Variants in PPP1R12B observed in about 807,000 individuals in gnomAD.
The protein encoded by PPP1R12B is protein phosphatase 1 regulatory subunit 12B.
A neutral mutation model predicts 126.1 loss-of-function variants in PPP1R12B; 76 were observed. The observed-to-expected ratio is 0.60, with a 90% CI of 0.50 to 0.73. The LOEUF is 0.73. Ranked by LOEUF, PPP1R12B falls within the 30% of genes least tolerant of loss-of-function variation. The pLI is 0.00. For synonymous variants in PPP1R12B, 356 were observed against 434.7 expected (o/e 0.82, Z 2.25); for missense variants, 1,052 against 1,205.1 (o/e 0.87, Z 1.88).
At chr1:202,446,165 A>G (rs1672210851) in intron 12 of PPP1R12B, among the ~76,000 whole-genome samples, 1 of 150,008 alleles carries the variant, frequency 6.7e-6, no homozygotes, top group Non-Finnish European at 1.5e-5. Context: ...TATTATCACC[A>G]TAGCTGAAGA....
Position 202,583,987 on chromosome 1 carries a change from A to C in PPP1R12B, c.*3427A>C, listed in dbSNP as rs534038577. ...GGCCATTCCAGAGATTCTGGGGCTA[A>C]AGTTTGTTTTTCCAGGGCTGCTGAT... On this transcript the variant is annotated 3_prime_UTR_variant, in exon 24 of 24. Coordinates refer to ENST00000608999, the MANE Select transcript of PPP1R12B (RefSeq NM_002481.4). The C allele has an allele frequency of 6.6e-6, 1 of 152,276 alleles. No homozygotes were observed. The highest frequency in any genetic ancestry group is 1.5e-5 in the Non-Finnish European group (1 of 68,022). 9.4% of individuals were successfully genotyped at this position (152,276 alleles called of 1,614,324 possible).
Position 202,419,492 on chromosome 1 carries a change from A to G in PPP1R12B, c.422+2575A>G, listed in dbSNP as rs764229597. ...TTCTTGTCCAGGTAAAAGTAAAACT[A>G]AAGAGGTTTTTAACTTTTTTTTTTC... On this transcript the variant is annotated intron_variant, in intron 2 of 23. Coordinates refer to ENST00000608999, the MANE Select transcript of PPP1R12B (RefSeq NM_002481.4). This position sits in a 1 kb window ranked among gnomAD's most constrained non-coding sequence, Gnocchi z 4.6. Among the ~76,000 whole-genome samples, 17 of 152,198 alleles carry G rather than the reference A, an allele frequency of 1.1e-4. No homozygotes were observed. Among genetic ancestry groups the G allele is most frequent in the Non-Finnish European group, 2.1e-4 (14 of 68,024 alleles).
intron 13 of PPP1R12B, among the ~76,000 whole-genome samples, chr1:202,454,138 G>A (rs756487619): frequency 1.3e-5 from 2 of 152,194 alleles, no homozygotes; most frequent in Non-Finnish European, 2.9e-5. Flanking sequence ...TTATAAAACT[G>A]CATTATTAAA....
At position 202,512,619 on chromosome 1, in the gene PPP1R12B, G is replaced by A. The variant is rs1681657198; in HGVS notation, c.2490+15797G>A. The stretch of plus-strand genomic sequence containing the variant: ...TGTAGGCTTGATACAAGGAACAGCA[G>A]TAATAATGTATATAAAGGGTTTAGC... On this transcript the variant is annotated intron_variant, in intron 18 of 23. Coordinates refer to ENST00000608999, the MANE Select transcript of PPP1R12B (RefSeq NM_002481.4). Among the ~76,000 whole-genome samples, 3 of 152,170 alleles carry A rather than the reference G, an allele frequency of 2.0e-5. No homozygotes were observed. The South Asian group carries it at 6.2e-4, about 32-fold the overall frequency.
intron 23 of PPP1R12B, 100 bp downstream of exon 23, chr1:202,569,297 A>G: frequency 8.5e-7 from 1 of 1,176,968 alleles, no homozygotes; most frequent in East Asian, 2.5e-5. Flanking sequence ...TTTCACTACA[A>G]ACTCAATATC....
At chr1:202,424,280 C>T (rs1669204048) in intron 3 of PPP1R12B, among the ~76,000 whole-genome samples, 1 of 151,618 alleles carries the variant, frequency 6.6e-6, no homozygotes, top group Admixed American at 6.6e-5. Flanking sequence ...CCCCATCCAT[C>T]TCCCAAAATC....
At chr1:202,470,648 C>G (rs1185812716) in intron 13 of PPP1R12B, among the ~76,000 whole-genome samples, 2 of 152,032 alleles carry the variant, frequency 1.3e-5, no homozygotes, top group Non-Finnish European at 2.9e-5. Context: ...AATACTAGCA[C>G]TTTGGGAGGC....
rs534387516 is a variant in PPP1R12B at position 202,372,027 on chromosome 1, A to T, written c.291+22885A>T. Among the ~76,000 whole-genome samples, 18 of 151,536 alleles carry T rather than the reference A, an allele frequency of 1.2e-4. 1 individual carries two copies. The South Asian group carries it at 3.8e-3, about 32-fold the overall frequency. ...GCTGGGATTACAGGCACGTGCCACC[A>T]CATCTGGCTAATTTTTGTATTTTTG... On this transcript the variant is annotated intron_variant, in intron 1 of 23. Coordinates refer to ENST00000608999, the MANE Select transcript of PPP1R12B (RefSeq NM_002481.4).
chr1:202,405,015 A>G (rs1471956244), intron 1 of PPP1R12B, among the ~76,000 whole-genome samples: 1 of 152,246 alleles, frequency 6.6e-6, no homozygotes, highest in Non-Finnish European at 1.5e-5. Flanking sequence ...CATGTCTGGT[A>G]TAGTACAGGC....
At chr1:202,515,707 C>T (rs1374998105) in intron 18 of PPP1R12B, among the ~76,000 whole-genome samples, 2 of 152,166 alleles carry the variant, frequency 1.3e-5, no homozygotes, top group Non-Finnish European at 2.9e-5. Context: ...ATGTGTGCCA[C>T]CATGCCCAGC....
At chr1:202,470,594 T>C (rs1265976577) in intron 13 of PPP1R12B, among the ~76,000 whole-genome samples, 3 of 152,180 alleles carry the variant, frequency 2.0e-5, no homozygotes. Flanking sequence ...ATATGGTTTT[T>C]TCTTTTAAAA....
rs1389564597 is a variant in PPP1R12B at position 202,567,828 on chromosome 1, A to G, written c.2808A>G (p.Lys936=). 3.1e-6 allele frequency: 5 copies of G among 1,613,828 alleles called. No individual in the cohort carries two copies. The highest frequency in any genetic ancestry group is 4.2e-6 in the Non-Finnish European group (5 of 1,179,856). The stretch of plus-strand genomic sequence containing the variant: ...GATCATCAGTGCTGGAGATGGAGAA[A>G]CGGGTATGCGCATGTCTGTTTCCCC... ...SDRSSVLEME[K]RERRALERKM... The change falls in exon 22 of 24, where the codon AAA becomes AAG. Residue 936 remains lysine (K), a synonymous_variant. Coordinates refer to ENST00000608999, the MANE Select transcript of PPP1R12B (RefSeq NM_002481.4).
intron 9 of PPP1R12B, among the ~76,000 whole-genome samples, chr1:202,437,110 G>C (rs1182669435): frequency 6.6e-6 from 1 of 152,066 alleles, no homozygotes; most frequent in Non-Finnish European, 1.5e-5. Context: ...TGCGAGGATT[G>C]CTCGAGTTTA....
chr1:202,437,434 A>G (rs952720229), intron 9 of PPP1R12B, among the ~76,000 whole-genome samples: 6 of 152,238 alleles, frequency 3.9e-5, no homozygotes, highest in African/African-American at 1.4e-4. Flanking sequence ...ACAGGTGAGC[A>G]TGTTGAGACC....
chr1:202,475,396 A>G (rs1041659295), intron 13 of PPP1R12B, among the ~76,000 whole-genome samples: 5 of 152,224 alleles, frequency 3.3e-5, no homozygotes, highest in Non-Finnish European at 4.4e-5. Context: ...TGATTATGAC[A>G]GACTTTTGGG....
chr1:202,580,913 C>T lies in PPP1R12B; in HGVS notation c.*353C>T, dbSNP rs1039606281. ...TTGGATTTGGTCCAAACATGTAAGACTTCTACCCTAATCAGTATCCTTCAG... is the reference window on the plus strand; with the variant it reads ...TTGGATTTGGTCCAAACATGTAAGATTTCTACCCTAATCAGTATCCTTCAG... On this transcript the variant is annotated 3_prime_UTR_variant, in exon 24 of 24. Coordinates refer to ENST00000608999, the MANE Select transcript of PPP1R12B (RefSeq NM_002481.4). 5 of 241,904 alleles carry T rather than the reference C, an allele frequency of 2.1e-5. No individual in the cohort carries two copies. The highest frequency in any genetic ancestry group is 8.6e-5 in the East Asian group (1 of 11,578). The allele number at this position is 241,904 out of a possible 1,614,324, so 15.0% of individuals were successfully genotyped here.
intron 18 of PPP1R12B, among the ~76,000 whole-genome samples, chr1:202,554,067 T>C (rs1558366346): frequency 6.6e-6 from 1 of 152,154 alleles, no homozygotes; most frequent in Non-Finnish European, 1.5e-5. Context: ...ACTCTGCTTC[T>C]TTACCCAAGA....
intron 10 of PPP1R12B, chr1:202,438,821 G>A (rs960798524): frequency 2.8e-5 from 25 of 881,518 alleles, no homozygotes; most frequent in South Asian, 9.2e-5. Context: ...TCTAACTCAC[G>A]GACGTGGGGG....
intron 1 of PPP1R12B, among the ~76,000 whole-genome samples, chr1:202,381,000 A>G (rs1234776893): frequency 1.3e-5 from 2 of 152,176 alleles, no homozygotes; most frequent in Admixed American, 6.5e-5. Flanking sequence ...TTTCTTATTC[A>G]TAGATGCTCT....
Sources: gnomAD v4.1 joint callset for allele counts (sites outside exome capture counted in the v4.1 genomes callset) on GRCh38, gnomAD v4.1.1 for gene constraint, Gnocchi (gnomAD v3.1) non-coding constraint, MANE v1.5 for transcripts, NCBI Gene and HGNC (gene_info 2026-07-23, HGNC 2026-07-21) for gene names.